Variants in PRPF19 observed in about 807,000 individuals in gnomAD.
PRPF19 encodes pre-mRNA processing factor 19, also known as pre-mRNA-processing factor 19.
Under a neutral mutation model 64.2 loss-of-function variants are expected in PRPF19, and 2 were observed. The observed-to-expected ratio is 0.03, with a 90% confidence interval of 0.01 to 0.10. The LOEUF is 0.10. Among genes scored for constraint, PRPF19 ranks in the 10% least tolerant of loss-of-function variants. The pLI, the probability that PRPF19 is intolerant of heterozygous loss-of-function variation, is 1.00. For missense variants in PRPF19, 314 were observed against 650.0 expected (o/e 0.48, Z 5.62); for synonymous variants, 226 against 251.6 (o/e 0.90, Z 0.96).
chr11:60,898,413 T>C lies in PRPF19; in HGVS notation c.1140+128A>G. 1 of 1,532,962 alleles carries C rather than the reference T, an allele frequency of 6.5e-7. No homozygotes were observed. The highest frequency in any genetic ancestry group is 8.8e-7 in the Non-Finnish European group (1 of 1,133,298). The allele number at this position is 1,532,962 out of a possible 1,614,324, so 95.0% of individuals were successfully genotyped here. A position where few individuals can be genotyped will look rare whatever the true frequency, so the allele number is the denominator to read the frequency against. ...CGGGACCCCCCAGACCACACCATCA[T>C]ATCACACACGCACAGCCAGTGTCTC... On this transcript the variant is annotated intron_variant, in intron 13 of 15. Coordinates refer to ENST00000227524, the MANE Select transcript of PRPF19 (RefSeq NM_014502.5). This position sits in a 1 kb window ranked among gnomAD's most constrained non-coding sequence, Gnocchi z 4.6.
At chr11:60,893,884 A>T (rs879503052) in intron 15 of PRPF19, among the ~76,000 whole-genome samples, 5 of 152,136 alleles carry the variant, frequency 3.3e-5, no homozygotes, top group Non-Finnish European at 7.3e-5. Flanking sequence ...GTGCCACTGC[A>T]CTCCAGCCTA....
In PRPF19 at chr11:60,891,078, C is replaced by A. The variant is rs1855851919; in HGVS notation, c.*88G>T. Reference sequence around the variant, plus strand: ...GTCCCACCCCACAGAGCCCCCTCCCCCCATAGATTCCCCCCACCCCCCCCC... The same window carrying A: ...GTCCCACCCCACAGAGCCCCCTCCCACCATAGATTCCCCCCACCCCCCCCC... On this transcript the variant is annotated 3_prime_UTR_variant, in exon 16 of 16. Coordinates refer to ENST00000227524, the MANE Select transcript of PRPF19 (RefSeq NM_014502.5). The A allele has an allele frequency of 5.4e-6, 1 of 183,790 alleles. No individual in the cohort carries two copies. The highest frequency in any genetic ancestry group is 1.0e-5 in the Non-Finnish European group (1 of 97,000). The allele number at this position is 183,790 out of a possible 1,614,324, so 11.4% of individuals were successfully genotyped here. A position where few individuals can be genotyped will look rare whatever the true frequency, so the allele number is the denominator to read the frequency against.
Position 60,902,941 on chromosome 11 carries a change from G to T in PRPF19, c.247-60C>A. ...GGGGGTGCAGGGAGTACCCAGTGGA[G>T]TCAGCCCTTGGGGAGGGGATGCTGC... On this transcript the variant is annotated intron_variant, in intron 3 of 15. Transcript: ENST00000227524. This position sits in a 1 kb window ranked among gnomAD's most constrained non-coding sequence, Gnocchi z 5.0. 1 of 1,582,844 alleles carries T rather than the reference G, an allele frequency of 6.3e-7. No homozygotes were observed. Among genetic ancestry groups the T allele is most frequent in the African/African-American group, 1.3e-5 (1 of 74,730 alleles).
chr11:60,905,940 A>G (rs899256684), intron 1 of PRPF19, among the ~76,000 whole-genome samples: 3 of 152,220 alleles, frequency 2.0e-5, no homozygotes, highest in Non-Finnish European at 4.4e-5. Flanking sequence ...GCCTCGCAAA[A>G]CATCCACTGC....
chr11:60,899,878 CT>C (rs1178768210), intron 10 of PRPF19, among the ~76,000 whole-genome samples: 2 of 152,166 alleles, frequency 1.3e-5, no homozygotes, highest in African/African-American at 4.8e-5. Context: ...TAACTACCAT[CT>C]TTTTTTATCA....
At chr11:60,897,727 TG>T in intron 15 of PRPF19, 118 bp downstream of exon 15, 1 of 787,440 alleles carries the variant, frequency 1.3e-6, no homozygotes, top group Non-Finnish European at 2.1e-6. Context: ...CTGCCTCAGG[TG>T]GTAACAGAAA....
At chr11:60,895,551 T>C (rs937445614) in intron 15 of PRPF19, among the ~76,000 whole-genome samples, 1 of 152,256 alleles carries the variant, frequency 6.6e-6, no homozygotes, top group Non-Finnish European at 1.5e-5. Context: ...GATGTTCTGC[T>C]TTCTTATCAT....
In PRPF19 at chr11:60,906,345, G is replaced by T; in HGVS notation, c.19+19C>A. On this transcript the variant is annotated intron_variant, in intron 1 of 15. Transcript: ENST00000227524. ...CTCTGGCCTCCTGAGACCCGCGCTT[G>T]GCCGCAGCCAACACTCACTGGAGCA... 2 of 1,598,212 alleles carry T rather than the reference G, an allele frequency of 1.3e-6. No individual in the cohort carries two copies. The highest frequency in any genetic ancestry group is 1.7e-6 in the Non-Finnish European group (2 of 1,174,124).
chr11:60,897,367 T>C (rs1272350778), intron 15 of PRPF19, among the ~76,000 whole-genome samples: 6 of 152,242 alleles, frequency 3.9e-5, no homozygotes, highest in Middle Eastern at 3.2e-3. Flanking sequence ...TTTAGATATA[T>C]GTAAGTTCAC....
At position 60,890,909 on chromosome 11, in the gene PRPF19, T is replaced by TG; in HGVS notation, c.*256dup. The TG allele has an allele frequency of 1.7e-6, 1 of 586,300 alleles. No individual in the cohort carries two copies. Among genetic ancestry groups the TG allele is most frequent in the South Asian group, 1.5e-5 (1 of 65,520 alleles). 36.3% of individuals were successfully genotyped at this position (586,300 alleles called of 1,614,324 possible). On this transcript the variant is annotated 3_prime_UTR_variant, in exon 16 of 16. Transcript: ENST00000227524. ...TTGAACGACAGGAAGGGAGAGGCCC[T>TG]GGGCTCCGACCCTGGGCCTTAAGAG...
At chr11:60,893,535 C>G (rs1035597609) in intron 15 of PRPF19, among the ~76,000 whole-genome samples, 2 of 149,222 alleles carry the variant, frequency 1.3e-5, no homozygotes, top group African/African-American at 4.9e-5. Context: ...TAATTAGGTA[C>G]AGTACGTTAC....
intron 3 of PRPF19, 133 bp from the exon 4 acceptor site, chr11:60,903,014 G>A (rs777500779): frequency 5.3e-5 from 74 of 1,406,406 alleles, no homozygotes; most frequent in Non-Finnish European, 6.3e-5. Context: ...AACAATATCC[G>A]AGCAAACACG....
At chr11:60,895,733 G>A (rs1308521635) in intron 15 of PRPF19, among the ~76,000 whole-genome samples, 2 of 151,898 alleles carry the variant, frequency 1.3e-5, no homozygotes, top group East Asian at 1.9e-4. Flanking sequence ...AACAGACATG[G>A]GACACTTTCT....
Position 60,900,684 on chromosome 11 carries a change from C to T in PRPF19, c.726G>A (p.Ala242=), listed in dbSNP as rs904023865. 9 of 1,558,900 alleles carry T rather than the reference C, an allele frequency of 5.8e-6. No individual in the cohort carries two copies. Among genetic ancestry groups the T allele is most frequent in the South Asian group, 2.4e-5 (2 of 84,820 alleles). The change falls in exon 10 of 16, where the codon GCG becomes GCA. Residue 242 remains alanine (A), a synonymous_variant. Coordinates refer to ENST00000227524, the MANE Select transcript of PRPF19 (RefSeq NM_014502.5). Reference sequence around the variant, plus strand: ...TGTCAAACACAACGACATTTTTATCCGCCCCACCTGGAGAAGACCCAAAAA... The same window carrying T: ...TGTCAAACACAACGACATTTTTATCTGCCCCACCTGGAGAAGACCCAAAAA... ...SDTNKILTGG[A]DKNVVVFDKS...
In PRPF19 at chr11:60,898,573, T is replaced by C; in HGVS notation, c.1108A>G (p.Met370Val). ...PDGLIFGTGT[M>V]DSQIKIWDLK... ...TCCCAGATCTTGATCTGAGAGTCCA[T>C]GGTTCCTGTTCCAAAGATGAGTCCG... is the stretch of plus-strand genomic sequence containing the variant. Residue 370 changes from methionine to valine, a missense_variant, in exon 13 of 16, where the codon ATG becomes GTG. Physicochemically the swap from Met to Val is conservative, Grantham distance 21. This residue lies in a region of PRPF19 where 175 missense variants were observed against 342.9 expected (regional missense o/e 0.51). Transcript: ENST00000227524. This position sits in a 1 kb window ranked among gnomAD's most constrained non-coding sequence, Gnocchi z 4.6. The C allele has an allele frequency of 1.9e-6, 3 of 1,614,178 alleles. No individual in the cohort carries two copies. Among genetic ancestry groups the C allele is most frequent in the South Asian group, 2.2e-5 (2 of 91,064 alleles).
rs1039418517 is a variant in PRPF19 at position 60,898,012 on chromosome 11, G to A, written c.1312-61C>T. Reference sequence around the variant, plus strand: ...GGAACAGAAACTATGGGGCAGTTGCGGATAAGCAGAAGCAATTAGATTAAT... The same window carrying A: ...GGAACAGAAACTATGGGGCAGTTGCAGATAAGCAGAAGCAATTAGATTAAT... On this transcript the variant is annotated intron_variant, in intron 14 of 15. Transcript: ENST00000227524. The surrounding 1 kb of genome is among the most constrained non-coding windows in gnomAD (Gnocchi z 4.6). 1.9e-5 allele frequency: 30 copies of A among 1,606,836 alleles called. No homozygotes were observed. The highest frequency in any genetic ancestry group is 9.4e-5 in the African/African-American group (7 of 74,550).
chr11:60,898,431 A>C lies in PRPF19; in HGVS notation c.1140+110T>G. The C allele has an allele frequency of 6.4e-7, 1 of 1,563,556 alleles. No homozygotes were observed. The highest frequency in any genetic ancestry group is 1.2e-5 in the South Asian group (1 of 84,206). On this transcript the variant is annotated intron_variant, in intron 13 of 15. Coordinates refer to ENST00000227524, the MANE Select transcript of PRPF19 (RefSeq NM_014502.5). This position sits in a 1 kb window ranked among gnomAD's most constrained non-coding sequence, Gnocchi z 4.6. ...ACCATCATATCACACACGCACAGCC[A>C]GTGTCTCTCCACCTTCAGGGCCAGG... is the stretch of plus-strand genomic sequence containing the variant.
In PRPF19 at chr11:60,903,748, G is replaced by C. The variant is rs1856011292; in HGVS notation, c.133C>G (p.Gln45Glu). The C allele has an allele frequency of 1.3e-6, 2 of 1,599,546 alleles. No individual in the cohort carries two copies. The highest frequency in any genetic ancestry group is 1.7e-6 in the Non-Finnish European group (2 of 1,175,746). ...AENGTDPINN[Q>E]PLSEEQLIDI... ...ATGAGCTGCTCCTCGGAGAGAGGCT[G>C]GTTGTTGATGGGGTCGGTACCATTC... Residue 45 changes from glutamine (Q) to glutamate (E), a missense_variant, in exon 2 of 16, where the codon CAG becomes GAG. Gln to Glu is a conservative substitution (Grantham distance 29). Transcript: ENST00000227524.
chr11:60,900,243 CGTAA>C (rs1391905750), intron 10 of PRPF19, among the ~76,000 whole-genome samples: 2 of 152,148 alleles, frequency 1.3e-5, no homozygotes, highest in African/African-American at 4.8e-5. Context: ...CTGTCCTCCT[CGTAA>C]GTGTGAGTTG....
Sources: allele counts gnomAD v4.1 joint callset (sites outside exome capture counted in the v4.1 genomes callset), GRCh38; gene constraint gnomAD v4.1.1; regional missense constraint gnomAD v4.1.1; non-coding constraint Gnocchi (gnomAD v3.1); transcripts MANE v1.5; gene names NCBI Gene and HGNC (gene_info 2026-07-23, HGNC 2026-07-21).